CAST: variants seen among roughly 807,000 people sequenced by gnomAD.
The protein encoded by CAST is calpastatin.
A neutral mutation model predicts 119.6 loss-of-function variants in CAST; 76 were observed. The observed-to-expected ratio is 0.64, with a 90% CI of 0.53 to 0.77. CAST has a LOEUF of 0.77. Ranked by LOEUF, CAST falls within the 30% of genes least tolerant of loss-of-function variation. CAST has a pLI of 0.00. For missense variants in CAST, 953 were observed against 946.5 expected, an observed-to-expected ratio of 1.01 and a Z score of -0.09; for synonymous variants, 319 against 331.6, an observed-to-expected ratio of 0.96 and a Z score of 0.41.
chr5:96,750,636 C>T lies in CAST; in HGVS notation c.1478C>T (p.Thr493Ile). 1.9e-6 allele frequency: 3 copies of T among 1,613,496 alleles called. No homozygotes were observed. The highest frequency in any genetic ancestry group is 1.7e-6 in the Non-Finnish European group (2 of 1,179,588). Residue 493 changes from threonine to isoleucine, a missense_variant, in exon 20 of 32, where the codon ACC becomes ATC. Transcript: ENST00000675179. ...PAPVSEAVCR[T>I]SMCSIQSAPP... ...CCTGTGTCGGAGGCTGTGTGTCGGA[C>T]CTCCATGTGTAGTATACAGTCAGCA...
the CAST span, among the ~76,000 whole-genome samples, chr5:96,449,323 G>T: frequency 6.6e-6 from 1 of 152,200 alleles, no homozygotes; most frequent in Non-Finnish European, 1.5e-5. Flanking sequence ...TGCCAGTAAG[G>T]TGAGGTGCCA....
intron 1 of CAST, among the ~76,000 whole-genome samples, chr5:96,562,385 A>T (rs1746394576): frequency 6.6e-6 from 1 of 152,188 alleles, no homozygotes; most frequent in African/African-American, 2.4e-5. Flanking sequence ...AAAAAATGCT[A>T]AATTTCCCTC....
the CAST span, among the ~76,000 whole-genome samples, chr5:96,334,682 A>G: frequency 6.6e-6 from 1 of 152,134 alleles, no homozygotes; most frequent in Non-Finnish European, 1.5e-5. Flanking sequence ...CAGAATCCCA[A>G]TTAAATAACC....
At chr5:96,123,069 GGTT>G in the CAST span, among the ~76,000 whole-genome samples, 1,860 of 152,116 alleles carry the variant, frequency 0.012, 40 homozygotes, top group African/African-American at 0.043. Flanking sequence ...CTAATGGGAT[GGTT>G]GTTGTTGTTT....
At chr5:96,671,500 C>T (rs1447054319) in intron 1 of CAST, among the ~76,000 whole-genome samples, 1 of 152,102 alleles carries the variant, frequency 6.6e-6, no homozygotes, top group Non-Finnish European at 1.5e-5. Context: ...GTCTTTGGCC[C>T]ATGTAATCCT....
At chr5:96,582,071 C>A (rs560916280) in intron 1 of CAST, among the ~76,000 whole-genome samples, 1 of 152,124 alleles carries the variant, frequency 6.6e-6, no homozygotes, top group Non-Finnish European at 1.5e-5. Flanking sequence ...ATAAGAAATA[C>A]TGTTTGGGAA....
chr5:96,484,475 CTGGCAGCAGACACCAGA>C, the CAST span, among the ~76,000 whole-genome samples: 1 of 152,122 alleles, frequency 6.6e-6, no homozygotes, highest in Non-Finnish European at 1.5e-5. Flanking sequence ...TTGATCCTAG[CTGGCAGCAGACACCAGA>C]TGGGTTAGTC....
chr5:96,478,246 G>A, the CAST span, among the ~76,000 whole-genome samples: 271 of 152,024 alleles, frequency 1.8e-3, no homozygotes, highest in Non-Finnish European at 2.8e-3. Flanking sequence ...GATAGTATCC[G>A]CAAGAAGTAA....
the CAST span, among the ~76,000 whole-genome samples, chr5:96,242,062 A>G: frequency 1.4e-5 from 2 of 146,016 alleles, no homozygotes; most frequent in African/African-American, 2.5e-5. Flanking sequence ...GAAGCTCTTT[A>G]GTTTAATTAG....
the CAST span, among the ~76,000 whole-genome samples, chr5:96,220,026 CTTG>C: frequency 5.3e-5 from 8 of 152,204 alleles, no homozygotes; most frequent in East Asian, 1.9e-4. Context: ...CCCTTTCTTC[CTTG>C]TTGTTAAAGC....
At chr5:96,662,877 CCGCAGGGCGTGGCTGCCTGGAGA>C in intron 1 of CAST, 2 of 568,644 alleles carry the variant, frequency 3.5e-6, no homozygotes, top group Non-Finnish European at 6.2e-6. Flanking sequence ...TAAGGCCGGG[CCGCAGGGCGTGGCTGCCTGGAGA>C]CGCAGAGCCT....
chr5:96,137,330 CA>C, the CAST span, among the ~76,000 whole-genome samples: 1 of 152,104 alleles, frequency 6.6e-6, no homozygotes, highest in Non-Finnish European at 1.5e-5. Flanking sequence ...CATGTCTTTT[CA>C]TGGGTTTATA....
At chr5:95,962,742 A>T in the CAST span, among the ~76,000 whole-genome samples, 1 of 152,162 alleles carries the variant, frequency 6.6e-6, no homozygotes, top group South Asian at 2.1e-4. Flanking sequence ...AGGACTCTAG[A>T]AGAAGAGTAA....
chr5:96,750,969 A>C (rs1287389458), intron 20 of CAST, among the ~76,000 whole-genome samples: 1 of 152,004 alleles, frequency 6.6e-6, no homozygotes, highest in Non-Finnish European at 1.5e-5. Flanking sequence ...ACTTCTCTGC[A>C]TCTTTTAAGC....
At chr5:96,142,173 G>A in the CAST span, among the ~76,000 whole-genome samples, 1 of 152,198 alleles carries the variant, frequency 6.6e-6, no homozygotes, top group African/African-American at 2.4e-5. Flanking sequence ...AGTACTCTGG[G>A]AGGTCGAGGC....
the CAST span, among the ~76,000 whole-genome samples, chr5:96,044,213 C>T: frequency 2.0e-5 from 3 of 152,186 alleles, no homozygotes; most frequent in African/African-American, 4.8e-5. Flanking sequence ...GTGTCCCATT[C>T]TCTTCCTTAA....
chr5:96,093,099 A>G, the CAST span, among the ~76,000 whole-genome samples: 4 of 152,324 alleles, frequency 2.6e-5, no homozygotes, highest in South Asian at 8.3e-4. Context: ...AGAAAATTCT[A>G]TAGGCAGTGC....
the CAST span, among the ~76,000 whole-genome samples, chr5:96,419,414 C>CCT: frequency 3.1e-3 from 405 of 129,076 alleles, 3 homozygotes; most frequent in African/African-American, 9.4e-3. Flanking sequence ...TCACTTAATA[C>CCT]CTCTCTCTCT....
the CAST span, among the ~76,000 whole-genome samples, chr5:96,234,231 C>G: frequency 6.6e-6 from 1 of 152,142 alleles, no homozygotes; most frequent in African/African-American, 2.4e-5. Context: ...GAGAGAAAAG[C>G]ATTAGTCTTA....
Sources: allele counts gnomAD v4.1 joint callset (sites outside exome capture counted in the v4.1 genomes callset), GRCh38; gene constraint gnomAD v4.1.1; transcripts MANE v1.5; gene names NCBI Gene and HGNC (gene_info 2026-07-23, HGNC 2026-07-21).